CSMD1: variants seen among roughly 807,000 people sequenced by gnomAD.
CSMD1 encodes CUB and Sushi multiple domains 1.
Under a neutral mutation model 417.5 loss-of-function variants are expected in CSMD1, and 213 were observed. That is an observed-to-expected ratio of 0.51 (90% CI 0.46 to 0.57). The LOEUF (loss-of-function observed/expected upper bound fraction) is 0.57. Among genes scored for constraint, CSMD1 ranks in the 20% least tolerant of loss-of-function variants. The pLI, the probability that CSMD1 is intolerant of heterozygous loss-of-function variation, is 0.00. For synonymous variants in CSMD1, 2,862 were observed against 1,736.8 expected, an observed-to-expected ratio of 1.65 and a Z score of -16.11; for missense variants, 6,923 against 4,529.7, an observed-to-expected ratio of 1.53 and a Z score of -15.17.
rs543149454 is a variant in CSMD1 at position 3,616,701 on chromosome 8, A to G, written c.1097+9T>C. The G allele has an allele frequency of 5.1e-6, 8 of 1,562,226 alleles. No individual in the cohort carries two copies. The South Asian group carries it at 5.6e-5, about 11-fold the overall frequency. ...ACATGCTTTTTTCCACCACTATTGTATCTCTTACCTGAAGTCGGAACCTGC... is the reference window on the plus strand; with the variant it reads ...ACATGCTTTTTTCCACCACTATTGTGTCTCTTACCTGAAGTCGGAACCTGC... On this transcript the variant is annotated intron_variant, in intron 8 of 69. Coordinates refer to ENST00000635120, the MANE Select transcript of CSMD1 (RefSeq NM_033225.6).
intron 5 of CSMD1, among the ~76,000 whole-genome samples, chr8:3,848,995 G>A (rs1037072893): frequency 1.3e-5 from 2 of 151,286 alleles, no homozygotes; most frequent in Non-Finnish European, 2.9e-5. Flanking sequence ...TTATAATAAT[G>A]GACTTTCATA....
intron 1 of CSMD1, among the ~76,000 whole-genome samples, chr8:4,928,143 T>G (rs1055144935): frequency 2.0e-5 from 3 of 152,142 alleles, no homozygotes; most frequent in African/African-American, 7.2e-5. Flanking sequence ...TCTGCCCACG[T>G]GGGACGCACA....
chr8:2,994,353 C>G (rs1056868250), intron 54 of CSMD1, among the ~76,000 whole-genome samples: 2 of 152,002 alleles, frequency 1.3e-5, no homozygotes, highest in South Asian at 4.1e-4. Flanking sequence ...AGTAACATTG[C>G]CTTGCAGTGG....
intron 5 of CSMD1, among the ~76,000 whole-genome samples, chr8:3,806,622 A>T (rs1188027267): frequency 6.6e-6 from 1 of 152,196 alleles, no homozygotes; most frequent in Admixed American, 6.5e-5. Flanking sequence ...TCAATAATCA[A>T]TGTAAGTCAG....
rs769132272 is a variant in CSMD1, at chr8:4,733,298, A to G, written c.86-95740T>C. The stretch of plus-strand genomic sequence containing the variant: ...CAGAAGGAAAAATAAATGACTAAAA[A>G]TGTTGCCCTCAAAGCAAGCACAAAT... On this transcript the variant is annotated intron_variant, in intron 1 of 69. Transcript: ENST00000635120. 1.9e-4 allele frequency among the ~76,000 whole-genome samples: 29 copies of G among 152,182 alleles called. 1 individual carries two copies. Among genetic ancestry groups the G allele is most frequent in the Non-Finnish European group, 4.4e-5 (3 of 68,022 alleles).
At position 4,156,570 on chromosome 8, in the gene CSMD1, C is replaced by T. The variant is rs1183302283; in HGVS notation, c.416-124471G>A. 2.0e-5 allele frequency among the ~76,000 whole-genome samples: 3 copies of T among 152,070 alleles called. No homozygotes were observed. In the South Asian group the frequency reaches 6.2e-4, roughly 32 times the overall value. On this transcript the variant is annotated intron_variant, in intron 3 of 69. Coordinates refer to ENST00000635120, the MANE Select transcript of CSMD1 (RefSeq NM_033225.6). ...CAAATTCTAAAAGATCACTTCTATC[C>T]ACATACCCAAAAGCATTCAGTTAGT... is the stretch of plus-strand genomic sequence containing the variant.
chr8:4,461,279 T>C (rs959223010), intron 2 of CSMD1, among the ~76,000 whole-genome samples: 6 of 152,066 alleles, frequency 3.9e-5, no homozygotes, highest in African/African-American at 1.5e-4. Context: ...TAACATTGTA[T>C]TTAATGAAAT....
chr8:4,135,426 G>T (rs957774174), intron 3 of CSMD1, among the ~76,000 whole-genome samples: 18 of 143,158 alleles, frequency 1.3e-4, no homozygotes, highest in African/African-American at 4.8e-4. Flanking sequence ...GAAGGAAGGG[G>T]AAGGAGGGAA....
At position 4,032,095 on chromosome 8, in the gene CSMD1, T is replaced by G. The variant is rs1414397188; in HGVS notation, c.420A>C (p.Leu140Phe). The G allele has an allele frequency of 6.2e-7, 1 of 1,602,134 alleles. No homozygotes were observed. The highest frequency in any genetic ancestry group is 2.2e-5 in the East Asian group (1 of 44,610). ...CAGGATTTCCACAAGTGTGGCTAGG[T>G]AAAACTATTGGAAAAAGAAAAGAAA... is the stretch of plus-strand genomic sequence containing the variant. ...AQGFKALYEVLPSHTCGNPGE... is the reference protein window; with the variant it reads ...AQGFKALYEVFPSHTCGNPGE... The change falls in exon 4 of 70, where the codon TTA becomes TTC. Residue 140 changes from leucine (L) to phenylalanine (F), a missense_variant. Physicochemically the swap from Leu to Phe is conservative, Grantham distance 22 (BLOSUM62 0). Transcript: ENST00000635120.
chr8:4,474,775 G>C (rs1279712812), intron 2 of CSMD1, among the ~76,000 whole-genome samples: 1 of 152,088 alleles, frequency 6.6e-6, no homozygotes, highest in East Asian at 1.9e-4. Context: ...CTCCTCCCCA[G>C]CCTACTCAGC....
chr8:4,720,965 T>C (rs1364963009), intron 1 of CSMD1, among the ~76,000 whole-genome samples: 2 of 152,198 alleles, frequency 1.3e-5, no homozygotes, highest in South Asian at 2.1e-4. Context: ...TTGCCCTGCC[T>C]ACTTCACCGG....
chr8:3,117,925 C>T (rs1238624335), intron 42 of CSMD1, among the ~76,000 whole-genome samples: 1 of 152,064 alleles, frequency 6.6e-6, no homozygotes, highest in Admixed American at 6.6e-5. Context: ...CTTTCAAGGC[C>T]CACTACAAAA....
intron 47 of CSMD1, among the ~76,000 whole-genome samples, chr8:3,093,390 G>C (rs921656945): frequency 1.3e-5 from 2 of 152,206 alleles, no homozygotes; most frequent in Non-Finnish European, 2.9e-5. Flanking sequence ...GTTGAGGCTA[G>C]GCATGGTGGC....
chr8:4,230,375 A>T (rs960761756), intron 3 of CSMD1, among the ~76,000 whole-genome samples: 3 of 152,216 alleles, frequency 2.0e-5, no homozygotes, highest in Non-Finnish European at 2.9e-5. Flanking sequence ...GACCTACCTG[A>T]GGTCAGACAA....
rs145559207 is a variant in CSMD1 at position 4,632,018 on chromosome 8, T to C, written c.302+5324A>G. Among the ~76,000 whole-genome samples the C allele has an allele frequency of 3.7e-3, 558 of 152,326 alleles. 4 individuals are homozygous for C. The highest frequency in any genetic ancestry group is 6.8e-3 in the Middle Eastern group (2 of 294). ...ATAATAATTTTATCACAGTTGGAAA[T>C]AGATGTCAACGTCAATTGTTTCTGA... On this transcript the variant is annotated intron_variant, in intron 2 of 69. Transcript: ENST00000635120.
At chr8:4,941,451 C>T (rs1807995091) in intron 1 of CSMD1, among the ~76,000 whole-genome samples, 1 of 152,246 alleles carries the variant, frequency 6.6e-6, no homozygotes, top group East Asian at 1.9e-4. Context: ...TGTTGTACAA[C>T]AAGTGTGCCA....
intron 1 of CSMD1, among the ~76,000 whole-genome samples, chr8:4,744,089 T>A (rs1317233888): frequency 6.6e-6 from 1 of 152,202 alleles, no homozygotes; most frequent in Non-Finnish European, 1.5e-5. Flanking sequence ...AAGGCAGGTA[T>A]GAGCAGGAGC....
intron 4 of CSMD1, among the ~76,000 whole-genome samples, chr8:3,999,859 C>G (rs1349381764): frequency 6.6e-6 from 1 of 152,092 alleles, no homozygotes; most frequent in Non-Finnish European, 1.5e-5. Flanking sequence ...ATCCAAAGCA[C>G]GTGACGTTGT....
At chr8:4,740,848 A>T (rs1292522636) in intron 1 of CSMD1, among the ~76,000 whole-genome samples, 1 of 152,164 alleles carries the variant, frequency 6.6e-6, no homozygotes, top group Non-Finnish European at 1.5e-5. Context: ...AAGAACACGA[A>T]CTTTAACGAA....
Sources: gnomAD v4.1 joint callset for allele counts (sites outside exome capture counted in the v4.1 genomes callset) on GRCh38, gnomAD v4.1.1 for gene constraint, MANE v1.5 for transcripts, NCBI Gene and HGNC (gene_info 2026-07-23, HGNC 2026-07-21) for gene names.